The following ATP10B variants were observed in gnomAD, a reference collection of about 807,000 sequenced individuals.
ATP10B encodes phospholipid-transporting ATPase VB.
Under a neutral mutation model 141.2 loss-of-function variants are expected in ATP10B, and 122 were observed. The ratio of observed to expected loss-of-function variants is 0.86; its 90% CI spans 0.75 to 1.00. The LOEUF (loss-of-function observed/expected upper bound fraction) is 1.00. ATP10B is among the 50% of genes least tolerant of loss of function. The probability of loss-of-function intolerance (pLI) is 0.00; values close to 1 mark genes in which losing one functional copy is unlikely to be tolerated. For missense variants in ATP10B, 1,876 were observed against 1,825.3 expected (o/e 1.03, Z -0.51); for synonymous variants, 685 against 692.0 (o/e 0.99, Z 0.16).
intron 6 of ATP10B, chr5:160,684,904 G>A: frequency 1.4e-6 from 1 of 703,368 alleles, no homozygotes; most frequent in Non-Finnish European, 2.6e-6. Flanking sequence ...GTCTTCCCAA[G>A]CGTCCTTGAT....
chr5:160,767,671 T>G (rs1769579068), intron 2 of ATP10B, among the ~76,000 whole-genome samples: 1 of 128,274 alleles, frequency 7.8e-6, no homozygotes, highest in African/African-American at 2.8e-5. Context: ...CTCTGACTGG[T>G]TCTGGTCCTC....
chr5:160,725,153 G>T (rs1438832294), intron 2 of ATP10B, among the ~76,000 whole-genome samples: 2 of 152,318 alleles, frequency 1.3e-5, no homozygotes, highest in South Asian at 2.1e-4. Flanking sequence ...ATTTAGGAAA[G>T]AAACAGGAGA....
intron 1 of ATP10B, among the ~76,000 whole-genome samples, chr5:160,830,558 C>G (rs1287942869): frequency 6.6e-6 from 1 of 151,948 alleles, no homozygotes; most frequent in Non-Finnish European, 1.5e-5. Flanking sequence ...TTGAGCCTTA[C>G]TTTTTACTTG....
At chr5:160,904,302 G>A in the ATP10B span, among the ~76,000 whole-genome samples, 3 of 152,124 alleles carry the variant, frequency 2.0e-5, no homozygotes, top group African/African-American at 7.2e-5. Context: ...ATCTCTTTGA[G>A]CCTCATATCC....
intron 13 of ATP10B, among the ~76,000 whole-genome samples, chr5:160,624,598 C>T (rs947231703): frequency 6.6e-6 from 1 of 152,220 alleles, no homozygotes; most frequent in Non-Finnish European, 1.5e-5. Flanking sequence ...AGGGCACACA[C>T]ATATTATCCA....
intron 17 of ATP10B, among the ~76,000 whole-genome samples, chr5:160,613,604 A>C (rs1234338755): frequency 6.6e-6 from 1 of 152,232 alleles, no homozygotes; most frequent in Non-Finnish European, 1.5e-5. Context: ...GAGGAGAGGC[A>C]GCAGTAGCCT....
Position 160,565,680 on chromosome 5 carries a change from G to A in ATP10B, c.4159C>T (p.Pro1387Ser), listed in dbSNP as rs1247996816. 6.2e-7 allele frequency: 1 copy of A among 1,614,094 alleles called. No homozygotes were observed. The highest frequency in any genetic ancestry group is 1.7e-5 in the Admixed American group (1 of 60,014). The change falls in exon 26 of 26, where the codon CCT becomes TCT. Residue 1387 changes from proline (P) to serine (S), a missense_variant. Transcript: ENST00000327245. ...FSASTPKSSNPPKRKHVEESV... is the reference protein window; with the variant it reads ...FSASTPKSSNSPKRKHVEESV... Reference sequence around the variant, plus strand: ...TCTTCCACATGCTTCCTCTTGGGAGGGTTAGAGCTCTTTGGGGTGCTGGCA... The same window carrying A: ...TCTTCCACATGCTTCCTCTTGGGAGAGTTAGAGCTCTTTGGGGTGCTGGCA...
chr5:160,673,550 T>C (rs2033461), intron 6 of ATP10B, among the ~76,000 whole-genome samples: 130,777 of 151,494 alleles, frequency 0.86, 56,630 homozygotes, highest in East Asian at 0.91. Flanking sequence ...TTTTTTTTTT[T>C]TGGTACCCAT....
At chr5:160,925,004 G>T in the ATP10B span, among the ~76,000 whole-genome samples, 1 of 152,154 alleles carries the variant, frequency 6.6e-6, no homozygotes, top group Admixed American at 6.5e-5. Flanking sequence ...TAAGTCATTT[G>T]CAACAAGACA....
chr5:160,633,281 T>C (rs568193560), intron 12 of ATP10B: 2 of 152,368 alleles, frequency 1.3e-5, no homozygotes, highest in South Asian at 4.1e-4. Flanking sequence ...TGCAGCACTG[T>C]TCACAATAGC....
Position 160,792,113 on chromosome 5 carries a change from T to TC in ATP10B, c.-575-6311dup, listed in dbSNP as rs893351145. Among the ~76,000 whole-genome samples, 7 of 151,894 alleles carry TC rather than the reference T, an allele frequency of 4.6e-5. No homozygotes were observed. In the East Asian group the frequency reaches 5.8e-4, roughly 13 times the overall value. Reference sequence around the variant, plus strand: ...CTAAATTCTACTCAGAGGAAATAAATCCCCCCCTCCCTAAACTTTCATAAA... The same window carrying TC: ...CTAAATTCTACTCAGAGGAAATAAATCCCCCCCCTCCCTAAACTTTCATAAA... On this transcript the variant is annotated intron_variant, in intron 1 of 25. Coordinates refer to ENST00000327245, the MANE Select transcript of ATP10B (RefSeq NM_025153.3).
intron 7 of ATP10B, among the ~76,000 whole-genome samples, chr5:160,666,722 G>C (rs1762340029): frequency 6.6e-6 from 1 of 152,308 alleles, no homozygotes; most frequent in Non-Finnish European, 1.5e-5. Flanking sequence ...AAAAGTATAA[G>C]GGAGAAGCAA....
At chr5:160,901,089 G>T in the ATP10B span, among the ~76,000 whole-genome samples, 2 of 152,036 alleles carry the variant, frequency 1.3e-5, no homozygotes, top group Middle Eastern at 6.8e-3. Flanking sequence ...CAGAATGGGG[G>T]ATTTCTTCCC....
chr5:160,647,864 ATTC>A (rs757252676), intron 8 of ATP10B, among the ~76,000 whole-genome samples: 11 of 152,212 alleles, frequency 7.2e-5, no homozygotes, highest in African/African-American at 1.4e-4. Flanking sequence ...TTTCTCTGGT[ATTC>A]TTCTTATTGT....
chr5:160,638,661 T>C (rs1172834783), intron 10 of ATP10B, among the ~76,000 whole-genome samples: 3 of 152,188 alleles, frequency 2.0e-5, no homozygotes, highest in Non-Finnish European at 1.5e-5. Flanking sequence ...TGAGCCCCTA[T>C]GAAGCTCTCA....
the ATP10B span, among the ~76,000 whole-genome samples, chr5:160,917,741 T>G: frequency 6.6e-6 from 1 of 152,166 alleles, no homozygotes. Flanking sequence ...TGTCTGGGGA[T>G]GTCAGACCTA....
chr5:160,837,454 T>C (rs1355827466), intron 1 of ATP10B, among the ~76,000 whole-genome samples: 1 of 152,188 alleles, frequency 6.6e-6, no homozygotes, highest in African/African-American at 2.4e-5. Flanking sequence ...GGGAAACCCA[T>C]GTTAGTATTT....
rs1760270845 is a variant in ATP10B at position 160,646,298 on chromosome 5, TTTCTTGCTAGTATG to T, written c.762-2068_762-2055del. ...TGAATATGTCAAGGAGGATGTTTCA[TTTCTTGCTAGTATG>T]TTCTTGACCCTATTCTAATGTTTGT... On this transcript the variant is annotated intron_variant, in intron 8 of 25. Transcript: ENST00000327245. 5.3e-5 allele frequency among the ~76,000 whole-genome samples: 8 copies of T among 152,332 alleles called. No individual in the cohort carries two copies. In the South Asian group the frequency reaches 1.7e-3, roughly 32 times the overall value.
At chr5:160,866,556 C>T in the ATP10B span, among the ~76,000 whole-genome samples, 1 of 151,992 alleles carries the variant, frequency 6.6e-6, no homozygotes, top group South Asian at 2.1e-4. Flanking sequence ...GCCTGCAATC[C>T]CAGCTACTTG....
Sources: allele counts gnomAD v4.1 joint callset (sites outside exome capture counted in the v4.1 genomes callset), GRCh38; gene constraint gnomAD v4.1.1; transcripts MANE v1.5; gene names NCBI Gene and HGNC (gene_info 2026-07-23, HGNC 2026-07-21).